Variants in OCRL observed in about 807,000 individuals in gnomAD.
The protein encoded by OCRL is OCRL inositol polyphosphate-5-phosphatase, also known as inositol polyphosphate 5-phosphatase OCRL.
A neutral mutation model predicts 78.9 loss-of-function variants in OCRL; 8 were observed. The ratio of observed to expected loss-of-function variants is 0.10; its 90% CI spans 0.06 to 0.18. The LOEUF (loss-of-function observed/expected upper bound fraction) is 0.18. OCRL is among the 10% of genes least tolerant of loss of function. The pLI is 1.00. For synonymous variants in OCRL, 240 were observed against 235.4 expected, an observed-to-expected ratio of 1.02 and a Z score of -0.18; for missense variants, 454 against 696.7, an observed-to-expected ratio of 0.65 and a Z score of 3.92.
rs758930642 is a variant in OCRL, at chrX:129,551,947, T to C, written c.238+3346T>C. 2.7e-5 allele frequency among the ~76,000 whole-genome samples: 3 copies of C among 111,737 alleles called. No individual in the cohort carries two copies. In the East Asian group the frequency reaches 8.4e-4, roughly 31 times the overall value. ...ACAAGGCTCCAGGCTGGGAAGTAGC[T>C]TGACACTTTTCTTTGAAGTGATAGA... On this transcript the variant is annotated intron_variant, in intron 4 of 23. Coordinates refer to ENST00000371113, the MANE Select transcript of OCRL (RefSeq NM_000276.4).
chrX:129,567,296 A>T lies in OCRL; in HGVS notation c.1399A>T (p.Asn467Tyr), dbSNP rs373697269. 1 of 1,208,191 alleles carries T rather than the reference A, an allele frequency of 8.3e-7. No individual in the cohort carries two copies. Among genetic ancestry groups the T allele is most frequent in the African/African-American group, 1.7e-5 (1 of 57,215 alleles). The part of the protein sequence containing the change: ...RTQKKAFVDF[N>Y]EGEIKFIPTY... Reference sequence around the variant, plus strand: ...ACAGAAAAAAGCTTTTGTTGACTTCAATGAAGGGGAAATCAAGTTCATCCC... The same window carrying T: ...ACAGAAAAAAGCTTTTGTTGACTTCTATGAAGGGGAAATCAAGTTCATCCC... The change falls in exon 14 of 24, where the codon AAT (asparagine) becomes TAT (tyrosine). Residue 467 changes from asparagine (N) to tyrosine (Y), a missense_variant. Physicochemically the swap from Asn to Tyr is moderately radical, Grantham distance 143 (BLOSUM62 -2). Coordinates refer to ENST00000371113, the MANE Select transcript of OCRL (RefSeq NM_000276.4).
At chrX:129,564,735 C>T (rs1416446426) in intron 12 of OCRL, among the ~76,000 whole-genome samples, 3 of 105,012 alleles carry the variant, frequency 2.9e-5, no homozygotes, top group Admixed American at 1.0e-4. Flanking sequence ...GTGGGGGGAG[C>T]GGGGAGGGAT....
intron 4 of OCRL, among the ~76,000 whole-genome samples, chrX:129,555,270 T>G (rs750105812): frequency 2.2e-4 from 24 of 108,892 alleles, no homozygotes; most frequent in Non-Finnish European, 3.4e-4. Context: ...AGGTCAGGAG[T>G]TCGAGACCAG....
chrX:129,582,627 A>G (rs915091951), intron 18 of OCRL, among the ~76,000 whole-genome samples: 1 of 112,294 alleles, frequency 8.9e-6, no homozygotes, highest in African/African-American at 3.2e-5. Flanking sequence ...GATGTTGGGC[A>G]CTCAAAATCA....
At chrX:129,544,054 A>T (rs1935845185) in intron 2 of OCRL, among the ~76,000 whole-genome samples, 1 of 110,442 alleles carries the variant, frequency 9.1e-6, no homozygotes, top group Admixed American at 9.7e-5. Flanking sequence ...GGACAGTTTC[A>T]TGGAGGAGGT....
intron 1 of OCRL, 35 bp downstream of exon 1, chrX:129,540,513 G>A: frequency 1.4e-6 from 1 of 731,734 alleles, no homozygotes; most frequent in Non-Finnish European, 2.0e-6. Flanking sequence ...GGGAGGCCGC[G>A]CAGGGCCGGG....
At chrX:129,576,641 T>G (rs925697039) in intron 18 of OCRL, 89 bp downstream of exon 18, 1 of 695,260 alleles carries the variant, frequency 1.4e-6, no homozygotes, top group Non-Finnish European at 2.2e-6. Context: ...GCTTTCTGTC[T>G]TCTTTTGGCC....
intron 21 of OCRL, 126 bp downstream of exon 21, chrX:129,588,389 C>T (rs1368219255): frequency 1.3e-5 from 7 of 539,111 alleles, no homozygotes; most frequent in Non-Finnish European, 2.2e-5. Flanking sequence ...ATAAGATAAC[C>T]ACTGACTATC....
chrX:129,555,764 AAT>A (rs1392915892), intron 4 of OCRL, among the ~76,000 whole-genome samples: 1 of 112,451 alleles, frequency 8.9e-6, no homozygotes, highest in Non-Finnish European at 1.9e-5. Flanking sequence ...TATTTGCTAA[AAT>A]ATGTCTTTCA....
chrX:129,543,735 G>A (rs977718790), intron 2 of OCRL, among the ~76,000 whole-genome samples: 3 of 112,835 alleles, frequency 2.7e-5, no homozygotes, highest in Non-Finnish European at 5.6e-5. Flanking sequence ...AAAGCAACAA[G>A]CACCCCCAAA....
At chrX:129,542,432 T>C (rs960676715) in intron 2 of OCRL, among the ~76,000 whole-genome samples, 4 of 98,934 alleles carry the variant, frequency 4.0e-5, no homozygotes, top group Non-Finnish European at 9.0e-5. Flanking sequence ...ATATATAAAC[T>C]ATAGTTTTAA....
At chrX:129,551,387 A>G (rs777813336) in intron 4 of OCRL, among the ~76,000 whole-genome samples, 1 of 112,339 alleles carries the variant, frequency 8.9e-6, no homozygotes, top group East Asian at 2.8e-4. Flanking sequence ...TAAGGATTTT[A>G]ATATAGGAAA....
At chrX:129,578,858 G>T (rs1936405837) in intron 18 of OCRL, among the ~76,000 whole-genome samples, 1 of 109,858 alleles carries the variant, frequency 9.1e-6, no homozygotes, top group Non-Finnish European at 1.9e-5. Flanking sequence ...AATTGTATGT[G>T]TGTGGACATC....
chrX:129,578,352 A>C (rs1213800412), intron 18 of OCRL, among the ~76,000 whole-genome samples: 1 of 110,377 alleles, frequency 9.1e-6, no homozygotes, highest in Non-Finnish European at 1.9e-5. Flanking sequence ...TACAGTTCCT[A>C]CTTTCTTTAG....
intron 2 of OCRL, among the ~76,000 whole-genome samples, chrX:129,542,999 A>G (rs1935831807): frequency 8.9e-6 from 1 of 111,796 alleles, no homozygotes; most frequent in Non-Finnish European, 1.9e-5. Context: ...CTTAAGATTC[A>G]TATTTTTCAA....
intron 13 of OCRL, among the ~76,000 whole-genome samples, chrX:129,566,798 A>G (rs1258305939): frequency 5.3e-5 from 6 of 112,199 alleles, no homozygotes; most frequent in Non-Finnish European, 9.4e-5. Flanking sequence ...CATTTAGGAT[A>G]AATTCTGAGT....
chrX:129,560,613 G>A lies in OCRL; in HGVS notation c.786G>A (p.Leu262=). 1.7e-6 allele frequency: 2 copies of A among 1,201,352 alleles called. No individual in the cohort carries two copies. The highest frequency in any genetic ancestry group is 2.3e-6 in the Non-Finnish European group (2 of 886,292). ...QSPDSGLEPW[L]NCDPNPPDIY... is the part of the protein sequence containing the mutation. Reference sequence around the variant, plus strand: ...CAGATAGCGGGTTAGAACCTTGGCTGAACTGTGATCCCAATCCTCCTGATA... The same window carrying A: ...CAGATAGCGGGTTAGAACCTTGGCTAAACTGTGATCCCAATCCTCCTGATA... Residue 262 remains leucine, a synonymous_variant, in exon 9 of 24, where the codon CTG becomes CTA. Coordinates refer to ENST00000371113, the MANE Select transcript of OCRL (RefSeq NM_000276.4).
At chrX:129,590,092 T>G in intron 23 of OCRL, 54 bp from the exon 24 acceptor site, 1 of 1,210,211 alleles carries the variant, frequency 8.3e-7, no homozygotes, top group Non-Finnish European at 1.1e-6. Flanking sequence ...CCCTGAGGTT[T>G]TGCTTAGGTT....
intron 3 of OCRL, 97 bp from the exon 4 acceptor site, chrX:129,548,466 C>G: frequency 3.0e-6 from 2 of 665,778 alleles, no homozygotes; most frequent in Non-Finnish European, 5.0e-6. Flanking sequence ...GGAGTAGTGA[C>G]TGAGAGAAGC....
Sources: gnomAD v4.1 joint callset for allele counts (sites outside exome capture counted in the v4.1 genomes callset) on GRCh38, gnomAD v4.1.1 for gene constraint, MANE v1.5 for transcripts, NCBI Gene and HGNC (gene_info 2026-07-23, HGNC 2026-07-21) for gene names.